HDDC2: variants seen among roughly 807,000 people sequenced by gnomAD.
HDDC2 encodes HD domain containing 2.
A neutral mutation model predicts 25.5 loss-of-function variants in HDDC2; 25 were observed. The ratio of observed to expected loss-of-function variants is 0.98; its 90% CI spans 0.72 to 1.37. The LOEUF (loss-of-function observed/expected upper bound fraction) is 1.37, where lower values mean the gene tolerates loss of function less well. Ranked by LOEUF, HDDC2 falls within the 40% of genes most tolerant of loss-of-function variation. The probability of loss-of-function intolerance (pLI) is 0.00; values close to 1 mark genes in which losing one functional copy is unlikely to be tolerated. For missense variants in HDDC2, 264 were observed against 253.1 expected, an observed-to-expected ratio of 1.04 and a Z score of -0.29; for synonymous variants, 106 against 89.7, an observed-to-expected ratio of 1.18 and a Z score of -1.03.
chr6:125,290,404 T>G (rs1237594490), intron 4 of HDDC2, among the ~76,000 whole-genome samples: 1 of 152,234 alleles, frequency 6.6e-6, no homozygotes, highest in Non-Finnish European at 1.5e-5. Flanking sequence ...CTGAAACTTA[T>G]GTACCAACAT....
chr6:125,281,863 C>T (rs1369291610), intron 4 of HDDC2, among the ~76,000 whole-genome samples: 1 of 152,170 alleles, frequency 6.6e-6, no homozygotes, highest in Non-Finnish European at 1.5e-5. Context: ...CACAAAAATA[C>T]TCCTCAAGAA....
At chr6:125,283,523 T>C (rs533990271) in intron 4 of HDDC2, among the ~76,000 whole-genome samples, 89 of 152,128 alleles carry the variant, frequency 5.9e-4, no homozygotes, top group Admixed American at 1.8e-3. Flanking sequence ...ACACCAATAA[T>C]AGACAAACAG....
In HDDC2 at chr6:125,300,667, A is replaced by C. The variant is rs199597460; in HGVS notation, c.85-8T>G. 1 of 1,608,868 alleles carries C rather than the reference A, an allele frequency of 6.2e-7. No individual in the cohort carries two copies. The highest frequency in any genetic ancestry group is 1.1e-5 in the South Asian group (1 of 90,044). On this transcript the variant is annotated splice_polypyrimidine_tract_variant and splice_region_variant and intron_variant, in intron 1 of 5. Coordinates refer to ENST00000398153, the MANE Select transcript of HDDC2 (RefSeq NM_016063.3). ...GCCAGTTCGTGGGACTCTCTGATAA[A>C]TATGAAGAAGAAAAAGAAGTTTTAA... is the stretch of plus-strand genomic sequence containing the variant.
intron 4 of HDDC2, among the ~76,000 whole-genome samples, chr6:125,284,986 A>C (rs1480112325): frequency 6.6e-6 from 1 of 152,216 alleles, no homozygotes; most frequent in East Asian, 1.9e-4. Context: ...ATGAACGCAT[A>C]AAAAAGAATG....
intron 4 of HDDC2, among the ~76,000 whole-genome samples, chr6:125,289,523 AC>A (rs1295557633): frequency 9.4e-5 from 14 of 149,694 alleles, no homozygotes; most frequent in African/African-American, 3.5e-4. Context: ...AACAAAAAAA[AC>A]AAAAAAAAAA....
At position 125,298,794 on chromosome 6, in the gene HDDC2, G is replaced by C. The variant is rs754599394; in HGVS notation, c.229C>G (p.His77Asp). 1 of 1,613,948 alleles carries C rather than the reference G, an allele frequency of 6.2e-7. No individual in the cohort carries two copies. Among genetic ancestry groups the C allele is most frequent in the Non-Finnish European group, 8.5e-7 (1 of 1,179,910 alleles). The change falls in exon 3 of 6, where the codon CAT (histidine) becomes GAT (aspartate). Residue 77 changes from histidine (H) to aspartate (D), a missense_variant. Coordinates refer to ENST00000398153, the MANE Select transcript of HDDC2 (RefSeq NM_016063.3). ...KDRCVRLALVHDMAECIVGDI... is the reference protein window; with the variant it reads ...KDRCVRLALVDDMAECIVGDI... Reference sequence around the variant, plus strand: ...CCAACGATGCATTCTGCCATATCATGAACCAGGGCTAGGCGTACACATCTG... The same window carrying C: ...CCAACGATGCATTCTGCCATATCATCAACCAGGGCTAGGCGTACACATCTG...
chr6:125,289,610 C>T (rs1217468456), intron 4 of HDDC2, among the ~76,000 whole-genome samples: 1 of 152,144 alleles, frequency 6.6e-6, no homozygotes, highest in Non-Finnish European at 1.5e-5. Flanking sequence ...TTTGCATCTT[C>T]CCCTCTCCAA....
At chr6:125,287,683 G>A (rs1002749760) in intron 4 of HDDC2, among the ~76,000 whole-genome samples, 8 of 152,134 alleles carry the variant, frequency 5.3e-5, no homozygotes, top group African/African-American at 1.4e-4. Flanking sequence ...GCACAGGAGG[G>A]GTGTGGAGAG....
intron 3 of HDDC2, 163 bp downstream of exon 3, chr6:125,298,551 T>C (rs547478604): frequency 4.2e-5 from 26 of 620,744 alleles, no homozygotes; most frequent in Middle Eastern, 7.8e-4. Flanking sequence ...GCCCAGGCCC[T>C]GAATCTCTAA....
At chr6:125,285,435 G>T (rs1048353336) in intron 4 of HDDC2, among the ~76,000 whole-genome samples, 1 of 151,852 alleles carries the variant, frequency 6.6e-6, no homozygotes, top group Non-Finnish European at 1.5e-5. Context: ...GGAACACAAG[G>T]GTAATTAAAT....
At chr6:125,301,727 T>G (rs3734642) in intron 1 of HDDC2, 122 bp downstream of exon 1, 128,625 of 670,704 alleles carry the variant, frequency 0.19, 15,939 homozygotes, top group African/African-American at 0.52. Context: ...TTTCCGGAAT[T>G]CGGCGTGGCG....
intron 4 of HDDC2, among the ~76,000 whole-genome samples, chr6:125,290,573 T>C (rs1798615840): frequency 6.6e-6 from 1 of 152,184 alleles, no homozygotes; most frequent in Non-Finnish European, 1.5e-5. Flanking sequence ...AGTTAAGACG[T>C]GGTCTTACTT....
At chr6:125,278,466 T>C (rs1798407508) in intron 4 of HDDC2, 1 of 152,168 alleles carries the variant, frequency 6.6e-6, no homozygotes, top group South Asian at 2.1e-4. Flanking sequence ...TATTACAAGT[T>C]CTCATGAACT....
chr6:125,292,848 A>C lies in HDDC2; in HGVS notation c.371T>G (p.Leu124Arg). ...CGTACCATATATACTTACTTCCCAAAGTTCATAGAGCTCCTTTCTGAGGTC... is the reference window on the plus strand; with the variant it reads ...CGTACCATATATACTTACTTCCCAACGTTCATAGAGCTCCTTTCTGAGGTC... ...PEDLRKELYELWEEYETQSSA... is the reference protein window; with the variant it reads ...PEDLRKELYERWEEYETQSSA... The change falls in exon 4 of 6, where the codon CTT (leucine) becomes CGT (arginine). Residue 124 changes from leucine to arginine, a missense_variant. Physicochemically the swap from Leu to Arg is moderately radical, Grantham distance 102. Coordinates refer to ENST00000398153, the MANE Select transcript of HDDC2 (RefSeq NM_016063.3). 1 of 1,611,886 alleles carries C rather than the reference A, an allele frequency of 6.2e-7. No homozygotes were observed. Among genetic ancestry groups the C allele is most frequent in the East Asian group, 2.2e-5 (1 of 44,874 alleles).
intron 4 of HDDC2, among the ~76,000 whole-genome samples, chr6:125,288,428 G>C (rs1798576922): frequency 1.3e-5 from 2 of 152,178 alleles, no homozygotes; most frequent in African/African-American, 4.8e-5. Context: ...CTTCTGGTAG[G>C]ACAGGAGAGG....
Position 125,301,801 on chromosome 6 carries a change from A to C in HDDC2, c.84+48T>G, listed in dbSNP as rs1308334352. The C allele has an allele frequency of 4.2e-6, 6 of 1,414,384 alleles. No homozygotes were observed. The East Asian group carries it at 7.8e-5, about 18-fold the overall frequency. The allele number at this position is 1,414,384 out of a possible 1,614,324, so 87.6% of individuals were successfully genotyped here. ...GGGAGGCCGGAAGCTCCGCCGCCCC[A>C]CAGTCCCGCCCGCTCGGCCGCGGCC... On this transcript the variant is annotated intron_variant, in intron 1 of 5. Transcript: ENST00000398153.
intron 4 of HDDC2, among the ~76,000 whole-genome samples, chr6:125,292,163 G>C (rs148347466): frequency 3.7e-4 from 56 of 152,302 alleles, no homozygotes; most frequent in African/African-American, 1.2e-3. Flanking sequence ...GCTCAAGCAA[G>C]GAAGGGCCAT....
chr6:125,294,292 G>GA (rs1225388531), intron 3 of HDDC2, among the ~76,000 whole-genome samples: 11 of 152,100 alleles, frequency 7.2e-5, no homozygotes, highest in Non-Finnish European at 1.6e-4. Flanking sequence ...ATTACTGGGA[G>GA]AAAAAAAATG....
intron 4 of HDDC2, among the ~76,000 whole-genome samples, chr6:125,287,719 G>C (rs935182114): frequency 1.3e-5 from 2 of 152,178 alleles, no homozygotes; most frequent in South Asian, 4.1e-4. Flanking sequence ...ACATGGCCCC[G>C]AGAGGAAGAC....
Sources: gnomAD v4.1 joint callset for allele counts (sites outside exome capture counted in the v4.1 genomes callset) on GRCh38, gnomAD v4.1.1 for gene constraint, MANE v1.5 for transcripts, NCBI Gene and HGNC (gene_info 2026-07-23, HGNC 2026-07-21) for gene names.